Variants in NDUFAF6 observed in about 807,000 individuals in gnomAD.
NDUFAF6 encodes the protein NADH:ubiquinone oxidoreductase complex assembly factor 6.
NDUFAF6 carries 45 observed loss-of-function variants against 40.8 expected under a neutral mutation model. That is an observed-to-expected ratio of 1.10 (90% CI 0.87 to 1.42). NDUFAF6 has a LOEUF of 1.42. Among genes scored for constraint, NDUFAF6 ranks in the 40% most tolerant of loss-of-function variants. NDUFAF6 has a pLI of 0.00. For missense variants in NDUFAF6, 435 were observed against 418.5 expected (o/e 1.04, Z -0.34); for synonymous variants, 185 against 155.9 (o/e 1.19, Z -1.39).
At chr8:95,015,076 G>A (rs540845969) in intron 2 of NDUFAF6, among the ~76,000 whole-genome samples, 1 of 152,302 alleles carries the variant, frequency 6.6e-6, no homozygotes, top group Non-Finnish European at 1.5e-5. Flanking sequence ...TGGAAAGAGA[G>A]CGGACCCACA....
At chr8:94,924,769 G>C (rs538217584) in intron 1 of NDUFAF6, among the ~76,000 whole-genome samples, 7 of 152,250 alleles carry the variant, frequency 4.6e-5, no homozygotes, top group South Asian at 2.1e-4. Context: ...TTGAGACAGA[G>C]TCTCACTCTG....
intron 1 of NDUFAF6, among the ~76,000 whole-genome samples, chr8:94,932,580 G>A (rs2131321765): frequency 6.6e-6 from 1 of 152,264 alleles, no homozygotes; most frequent in Middle Eastern, 3.4e-3. Context: ...GAGGCGGGCG[G>A]ATCGTGAGGT....
At chr8:94,956,253 G>T (rs1460881463), upstream of NDUFAF6, among the ~76,000 whole-genome samples, 1 of 152,216 alleles carries the variant, frequency 6.6e-6, no homozygotes, top group African/African-American at 2.4e-5. Context: ...TAACCTGAGT[G>T]TGCTGGGTTT....
chr8:95,053,974 GC>G (rs1191906003), intron 8 of NDUFAF6, among the ~76,000 whole-genome samples: 4 of 100,186 alleles, frequency 4.0e-5, no homozygotes, highest in South Asian at 3.7e-4. Context: ...TCACTCTGTT[GC>G]CCAGGTTCCC....
At chr8:94,905,314 C>T (rs537142336) in intron 1 of NDUFAF6, among the ~76,000 whole-genome samples, 46 of 145,568 alleles carry the variant, frequency 3.2e-4, no homozygotes, top group Admixed American at 2.7e-3. Context: ...CTGGGAGAAC[C>T]TTTTGTGGAT....
chr8:95,046,861 T>C, intron 5 of NDUFAF6, 133 bp from the exon 6 acceptor site: 2 of 1,240,422 alleles, frequency 1.6e-6, no homozygotes, highest in Non-Finnish European at 2.3e-6. Context: ...TTTTCACTCA[T>C]AAATCCTGTT....
intron 1 of NDUFAF6, among the ~76,000 whole-genome samples, chr8:94,915,040 A>G (rs1170922790): frequency 6.6e-6 from 1 of 152,136 alleles, no homozygotes; most frequent in Non-Finnish European, 1.5e-5. Flanking sequence ...ACAGTACCCA[A>G]TAGGTCATTT....
intron 1 of NDUFAF6, chr8:94,896,372 C>T (rs1282530801): frequency 6.6e-6 from 1 of 151,546 alleles, no homozygotes; most frequent in Non-Finnish European, 1.5e-5. Flanking sequence ...GGGCCCGACG[C>T]TCTTCCTTTA....
intron 1 of NDUFAF6, among the ~76,000 whole-genome samples, chr8:94,959,545 T>TTC: frequency 1.2e-5 from 1 of 85,864 alleles, no homozygotes. Context: ...TTTTGTTTTT[T>TTC]TTTTAGAGAC....
chr8:94,940,266 C>A, intron 1 of NDUFAF6: 1 of 1,539,484 alleles, frequency 6.5e-7, no homozygotes, highest in South Asian at 1.3e-5. Context: ...GTTGAAGAGT[C>A]CCACAGGAGG....
chr8:95,062,693 C>T (rs1410423361), downstream of NDUFAF6, among the ~76,000 whole-genome samples: 1 of 152,204 alleles, frequency 6.6e-6, no homozygotes, highest in African/African-American at 2.4e-5. Context: ...AAAGCACAGC[C>T]ATGCTTTCTC....
chr8:94,991,628 T>A (rs1826196010), intron 2 of NDUFAF6, among the ~76,000 whole-genome samples: 1 of 152,222 alleles, frequency 6.6e-6, no homozygotes, highest in South Asian at 2.1e-4. Context: ...TTGTTTCTTA[T>A]CATTCCAGAG....
intron 1 of NDUFAF6, among the ~76,000 whole-genome samples, chr8:94,933,834 T>TC (rs1554630442): frequency 6.8e-5 from 4 of 59,030 alleles, no homozygotes; most frequent in African/African-American, 2.5e-4. Flanking sequence ...CAGCACTTTG[T>TC]GGGGGGGGGG....
At chr8:94,977,654 TC>T in intron 1 of NDUFAF6, among the ~76,000 whole-genome samples, 1 of 152,206 alleles carries the variant, frequency 6.6e-6, no homozygotes, top group East Asian at 1.9e-4. Context: ...GCTTCTCCTG[TC>T]CTTGGACATC....
At chr8:95,047,196 T>C in intron 6 of NDUFAF6, 69 bp downstream of exon 6, 1 of 1,606,630 alleles carries the variant, frequency 6.2e-7, no homozygotes, top group Admixed American at 1.7e-5. Flanking sequence ...ATCTTTTGCT[T>C]TTTTGCTTAG....
At chr8:94,998,931 T>G (rs985434079) in intron 2 of NDUFAF6, among the ~76,000 whole-genome samples, 3 of 151,032 alleles carry the variant, frequency 2.0e-5, no homozygotes, top group Non-Finnish European at 3.0e-5. Flanking sequence ...GAGAGCAGGG[T>G]GTGTGTGTGT....
At chr8:95,047,239 T>A in intron 6 of NDUFAF6, 112 bp downstream of exon 6, 1 of 1,417,576 alleles carries the variant, frequency 7.1e-7, no homozygotes, top group Non-Finnish European at 9.8e-7. Flanking sequence ...AAGGAATGCT[T>A]ATTGCTTACT....
intron 2 of NDUFAF6, among the ~76,000 whole-genome samples, chr8:95,003,087 A>G (rs1458745540): frequency 2.6e-5 from 4 of 152,136 alleles, no homozygotes; most frequent in Non-Finnish European, 5.9e-5. Flanking sequence ...TTGGTCATGT[A>G]CCTACAATTA....
chr8:95,090,944 G>A lies in NDUFAF6; in HGVS notation n.214-10188G>A, dbSNP rs192091887. Among the ~76,000 whole-genome samples the A allele has an allele frequency of 5.5e-3, 785 of 143,856 alleles. 6 individuals carry two copies. Among genetic ancestry groups the A allele is most frequent in the African/African-American group, 0.019 (744 of 38,626 alleles). 94.4% of individuals were successfully genotyped at this position (143,856 alleles called of 152,430 possible). ...TTTGAGACTCGGACTGCCTCTCCTTGCTCCTCAAGCTTGCAGACAGCCTAT... is the reference window on the plus strand; with the variant it reads ...TTTGAGACTCGGACTGCCTCTCCTTACTCCTCAAGCTTGCAGACAGCCTAT... On this transcript the variant is annotated intron_variant and non_coding_transcript_variant, in intron 2 of 5. Transcript: ENST00000523184.
Sources: allele counts gnomAD v4.1 joint callset (sites outside exome capture counted in the v4.1 genomes callset), GRCh38; gene constraint gnomAD v4.1.1; transcripts MANE v1.5; gene names NCBI Gene and HGNC (gene_info 2026-07-23, HGNC 2026-07-21).